NPAS3: variants seen among roughly 807,000 people sequenced by gnomAD.
NPAS3 encodes neuronal PAS domain protein 3.
NPAS3 carries 14 observed loss-of-function variants against 73.1 expected under a neutral mutation model. The ratio of observed to expected loss-of-function variants is 0.19; its 90% CI spans 0.13 to 0.30. The LOEUF (loss-of-function observed/expected upper bound fraction) is 0.30. NPAS3 is among the 10% of genes least tolerant of loss of function. The pLI, the probability that NPAS3 is intolerant of heterozygous loss-of-function variation, is 1.00. For synonymous variants in NPAS3, 620 were observed against 541.5 expected, an observed-to-expected ratio of 1.14 and a Z score of -2.01; for missense variants, 1,096 against 1,250.0, an observed-to-expected ratio of 0.88 and a Z score of 1.86.
At chr14:33,371,244 G>A (rs1442129371) in intron 4 of NPAS3, among the ~76,000 whole-genome samples, 1 of 152,156 alleles carries the variant, frequency 6.6e-6, no homozygotes, top group African/African-American at 2.4e-5. Flanking sequence ...GATGTCATAG[G>A]TTTTGTGGAT....
chr14:33,083,202 A>G (rs1163835812), intron 2 of NPAS3, among the ~76,000 whole-genome samples: 7,371 of 62,344 alleles, frequency 0.12, 668 homozygotes, highest in African/African-American at 0.21. Context: ...AAAAAAAAAA[A>G]AAAAAAAAAA....
At chr14:33,082,833 A>G (rs74041781) in intron 2 of NPAS3, among the ~76,000 whole-genome samples, 17,367 of 152,214 alleles carry the variant, frequency 0.11, 1,762 homozygotes, top group African/African-American at 0.27. Context: ...TTAAACATTT[A>G]GCAGAATATA....
intron 2 of NPAS3, among the ~76,000 whole-genome samples, chr14:33,116,419 A>C (rs2043066189): frequency 6.6e-6 from 1 of 152,146 alleles, no homozygotes; most frequent in South Asian, 2.1e-4. Context: ...AAGTAAGTTT[A>C]CTTTTGAAAT....
chr14:33,250,666 G>A (rs1013769679), intron 3 of NPAS3, among the ~76,000 whole-genome samples: 2 of 151,978 alleles, frequency 1.3e-5, no homozygotes, highest in South Asian at 2.1e-4. Flanking sequence ...ATTCAAAATT[G>A]GTAATTATTC....
chr14:32,976,661 A>C (rs1595135011), intron 1 of NPAS3, among the ~76,000 whole-genome samples: 1 of 152,318 alleles, frequency 6.6e-6, no homozygotes, highest in South Asian at 2.1e-4. Context: ...TCATTTAGGT[A>C]TCAACATTAG....
chr14:33,065,389 G>A (rs1412396383), intron 2 of NPAS3, among the ~76,000 whole-genome samples: 1 of 152,128 alleles, frequency 6.6e-6, no homozygotes, highest in Non-Finnish European at 1.5e-5. Context: ...TATGTCTGCT[G>A]CATTATCCTC....
chr14:33,016,586 T>C (rs1215529475), intron 1 of NPAS3, among the ~76,000 whole-genome samples: 13 of 140,746 alleles, frequency 9.2e-5, no homozygotes, highest in Non-Finnish European at 1.7e-4. Flanking sequence ...AAAAAAGATT[T>C]AAAGTTGTGT....
At chr14:33,761,202 C>A (rs2062276066) in intron 7 of NPAS3, among the ~76,000 whole-genome samples, 1 of 152,214 alleles carries the variant, frequency 6.6e-6, no homozygotes, top group Admixed American at 6.5e-5. Context: ...GATCCTAACA[C>A]AACTTTTCCA....
chr14:33,198,524 C>G (rs773522036), intron 2 of NPAS3, among the ~76,000 whole-genome samples: 2 of 152,116 alleles, frequency 1.3e-5, no homozygotes, highest in Non-Finnish European at 2.9e-5. Flanking sequence ...CTGATTGGTG[C>G]GTTTGCAAAC....
intron 3 of NPAS3, among the ~76,000 whole-genome samples, chr14:33,324,669 GTTAA>G (rs1335417444): frequency 6.6e-6 from 1 of 152,172 alleles, no homozygotes; most frequent in Non-Finnish European, 1.5e-5. Flanking sequence ...ACTTTTGATA[GTTAA>G]TTATAGCTAC....
intron 2 of NPAS3, among the ~76,000 whole-genome samples, chr14:33,165,501 C>G (rs2045099972): frequency 6.6e-6 from 1 of 151,924 alleles, no homozygotes; most frequent in Admixed American, 6.6e-5. Flanking sequence ...CTGTGCAGCT[C>G]TACTACTGAA....
chr14:33,081,370 C>CT (rs372583308), intron 2 of NPAS3, among the ~76,000 whole-genome samples: 81 of 147,172 alleles, frequency 5.5e-4, no homozygotes, highest in African/African-American at 6.4e-4. Flanking sequence ...AAGAGACCAA[C>CT]TTTTTTTTTT....
At chr14:33,514,191 C>T (rs1025814097) in intron 4 of NPAS3, among the ~76,000 whole-genome samples, 14 of 151,906 alleles carry the variant, frequency 9.2e-5, no homozygotes, top group Non-Finnish European at 1.9e-4. Context: ...CAAGGGGCTC[C>T]GGGTCAGTCT....
intron 2 of NPAS3, among the ~76,000 whole-genome samples, chr14:33,196,178 C>A (rs1442858306): frequency 6.6e-6 from 1 of 152,168 alleles, no homozygotes; most frequent in Non-Finnish European, 1.5e-5. Flanking sequence ...TTTTTCCTTA[C>A]ATTGAATAGC....
chr14:33,132,401 T>A (rs998122569), intron 2 of NPAS3, among the ~76,000 whole-genome samples: 1 of 152,216 alleles, frequency 6.6e-6, no homozygotes, highest in Non-Finnish European at 1.5e-5. Context: ...GTCTGTGTAC[T>A]TGTAGGAAGA....
chr14:33,342,100 G>T (rs1489844997), intron 3 of NPAS3, among the ~76,000 whole-genome samples: 1 of 152,002 alleles, frequency 6.6e-6, no homozygotes, highest in African/African-American at 2.4e-5. Context: ...AGAAATATTG[G>T]GTCTAACATA....
intron 1 of NPAS3, among the ~76,000 whole-genome samples, chr14:32,995,763 T>A (rs2038542658): frequency 6.6e-6 from 1 of 152,242 alleles, no homozygotes; most frequent in Non-Finnish European, 1.5e-5. Context: ...TCTCCAGCCA[T>A]GTGGAACTGT....
intron 7 of NPAS3, among the ~76,000 whole-genome samples, chr14:33,755,015 G>A (rs1299113016): frequency 6.6e-6 from 1 of 152,174 alleles, no homozygotes; most frequent in African/African-American, 2.4e-5. Flanking sequence ...AACTCAGTAG[G>A]ATGCAGAGCC....
At position 33,156,569 on chromosome 14, in the gene NPAS3, T is replaced by C. The variant is rs141939303; in HGVS notation, c.141-58613T>C. 5.9e-5 allele frequency among the ~76,000 whole-genome samples: 9 copies of C among 152,358 alleles called. No homozygotes were observed. In the East Asian group the frequency reaches 1.3e-3, roughly 23 times the overall value. ...ATAAATCATTTAACATTTTAAATTT[T>C]AATTATCTGCATGATCATTGCTTAG... On this transcript the variant is annotated intron_variant, in intron 2 of 11. Transcript: ENST00000356141.
Sources: allele counts gnomAD v4.1 joint callset (sites outside exome capture counted in the v4.1 genomes callset), GRCh38; gene constraint gnomAD v4.1.1; transcripts MANE v1.5; gene names NCBI Gene and HGNC (gene_info 2026-07-23, HGNC 2026-07-21).